KCNN3: variants seen among roughly 807,000 people sequenced by gnomAD.
KCNN3 encodes small conductance calcium-activated potassium channel protein 3.
A neutral mutation model predicts 62.9 loss-of-function variants in KCNN3; 16 were observed. The ratio of observed to expected loss-of-function variants is 0.25; its 90% CI spans 0.17 to 0.39. The LOEUF (loss-of-function observed/expected upper bound fraction) is 0.39. Ranked by LOEUF, KCNN3 falls within the 10% of genes least tolerant of loss-of-function variation. KCNN3 has a pLI of 1.00. For synonymous variants in KCNN3, 370 were observed against 389.2 expected (o/e 0.95, Z 0.58); for missense variants, 599 against 949.4 (o/e 0.63, Z 4.85).
intron 2 of KCNN3, among the ~76,000 whole-genome samples, chr1:154,788,910 C>T (rs1156314307): frequency 2.0e-5 from 3 of 152,104 alleles, no homozygotes; most frequent in Admixed American, 6.5e-5. Flanking sequence ...AGTGACATGC[C>T]CAAGGTCACA....
chr1:154,720,857 G>A (rs1700330853), intron 5 of KCNN3, among the ~76,000 whole-genome samples: 2 of 152,104 alleles, frequency 1.3e-5, no homozygotes, highest in Non-Finnish European at 2.9e-5. Context: ...TGGCGGGGCC[G>A]AGGCCCTGGA....
At position 154,702,130 on chromosome 1, in the gene KCNN3, A is replaced by C. The variant is rs961721271; in HGVS notation, c.*5846T>G. 27 of 152,198 alleles carry C rather than the reference A, an allele frequency of 1.8e-4. No individual in the cohort carries two copies. The highest frequency in any genetic ancestry group is 5.1e-4 in the African/African-American group (21 of 41,538). 9.4% of individuals were successfully genotyped at this position (152,198 alleles called of 1,614,324 possible). A position where few individuals can be genotyped will look rare whatever the true frequency, so the allele number is the denominator to read the frequency against. On this transcript the variant is annotated 3_prime_UTR_variant, in exon 8 of 8. Transcript: ENST00000271915. ...TAATGTTCTTTTGTCTCTAATACCC[A>C]GGCCTTGGAGAATTAGAATATGGCA...
chr1:154,767,559 G>C (rs1019806585), intron 3 of KCNN3, among the ~76,000 whole-genome samples: 2 of 152,214 alleles, frequency 1.3e-5, no homozygotes, highest in African/African-American at 2.4e-5. Flanking sequence ...AGGCACGCTA[G>C]GAAGGCTGGC....
intron 7 of KCNN3, among the ~76,000 whole-genome samples, chr1:154,712,561 G>A (rs1404528830): frequency 6.6e-6 from 1 of 152,008 alleles, no homozygotes; most frequent in Non-Finnish European, 1.5e-5. Context: ...CTTTTCAAAG[G>A]GTGCTTAATG....
Position 154,698,334 on chromosome 1 carries a change from T to G in KCNN3, c.*9642A>C, listed in dbSNP as rs1404270799. 2 of 152,200 alleles carry G rather than the reference T, an allele frequency of 1.3e-5. No individual in the cohort carries two copies. The highest frequency in any genetic ancestry group is 1.3e-4 in the Admixed American group (2 of 15,274). 9.4% of individuals were successfully genotyped at this position (152,200 alleles called of 1,614,324 possible). A position where few individuals can be genotyped will look rare whatever the true frequency, so the allele number is the denominator to read the frequency against. On this transcript the variant is annotated 3_prime_UTR_variant, in exon 8 of 8. Transcript: ENST00000271915. ...CTACTCACAATTCCACAAATGTGCC[T>G]GCAGCTGTGAGGACAGCTGGAGAGA... is the stretch of plus-strand genomic sequence containing the variant.
At chr1:154,860,688 G>A (rs1182176536) in intron 1 of KCNN3, among the ~76,000 whole-genome samples, 3 of 152,206 alleles carry the variant, frequency 2.0e-5, no homozygotes, top group African/African-American at 4.8e-5. Flanking sequence ...TGTTCCACAC[G>A]TGCTCTCCAG....
intron 3 of KCNN3, among the ~76,000 whole-genome samples, chr1:154,744,279 G>A (rs1700890512): frequency 6.6e-6 from 1 of 152,202 alleles, no homozygotes; most frequent in South Asian, 2.1e-4. Context: ...AAGCCAGTGG[G>A]ACAAGACCAG....
rs899153783 is a variant in KCNN3 at position 154,862,152 on chromosome 1, G to A, written c.933+6880C>T. Among the ~76,000 whole-genome samples the A allele has an allele frequency of 9.2e-5, 14 of 152,234 alleles. No homozygotes were observed. The highest frequency in any genetic ancestry group is 3.4e-4 in the African/African-American group (14 of 41,442). ...GGTGGGGTTTGGAATAGGGAAATCA[G>A]AAGTGTACTGAGACCTGAGCTCTCA... On this transcript the variant is annotated intron_variant, in intron 1 of 7. Coordinates refer to ENST00000271915, the MANE Select transcript of KCNN3 (RefSeq NM_002249.6). The surrounding 1 kb of genome is among the most constrained non-coding windows in gnomAD (Gnocchi z 4.1).
At chr1:154,815,743 C>A (rs1253362175) in intron 2 of KCNN3, among the ~76,000 whole-genome samples, 1 of 152,100 alleles carries the variant, frequency 6.6e-6, no homozygotes, top group African/African-American at 2.4e-5. Context: ...TCTCTCAGTG[C>A]CAGGACACCT....
chr1:154,708,103 G>A lies in KCNN3; in HGVS notation c.2069C>T (p.Ser690Phe). ...GACACCCCGGGCCTCGATGATGGCA[G>A]ACAGGAGCTGCTGCTGCTGCTGGCG... ...TLRQQQQQLL[S>F]AIIEARGVSV... Residue 690 changes from serine (S) to phenylalanine (F), a missense_variant, in exon 8 of 8, where the codon TCT becomes TTT. By Grantham distance (155) the Ser-to-Phe change is radical (BLOSUM62 -2). Transcript: ENST00000271915. 6.2e-7 allele frequency: 1 copy of A among 1,613,988 alleles called. No individual in the cohort carries two copies. The highest frequency in any genetic ancestry group is 8.5e-7 in the Non-Finnish European group (1 of 1,180,010).
intron 2 of KCNN3, among the ~76,000 whole-genome samples, chr1:154,774,453 G>A (rs1648707431): frequency 6.6e-6 from 1 of 152,222 alleles, no homozygotes. Flanking sequence ...GTCTTCATCT[G>A]AGACTGAAAT....
chr1:154,826,073 A>ACAAAAT (rs1491361968), intron 1 of KCNN3, among the ~76,000 whole-genome samples: 6 of 132,544 alleles, frequency 4.5e-5, no homozygotes, highest in Non-Finnish European at 9.5e-5. Context: ...AAAAACAAAA[A>ACAAAAT]CAAAAACAAA....
chr1:154,719,798 C>T (rs1437510043), intron 5 of KCNN3, among the ~76,000 whole-genome samples: 1 of 152,122 alleles, frequency 6.6e-6, no homozygotes, highest in Non-Finnish European at 1.5e-5. Flanking sequence ...TTTCATCACC[C>T]TGCTTGCACC....
intron 2 of KCNN3, among the ~76,000 whole-genome samples, chr1:154,791,247 C>A (rs67727511): frequency 0.19 from 26,302 of 135,218 alleles, 2,643 homozygotes; most frequent in Middle Eastern, 0.27. Flanking sequence ...AAAAAAAAAA[C>A]AAGTTAGGAT....
intron 3 of KCNN3, among the ~76,000 whole-genome samples, chr1:154,766,438 A>ATATATATATATATATATATATATATATG (rs1648287530): frequency 2.3e-5 from 3 of 129,182 alleles, no homozygotes; most frequent in Admixed American, 7.8e-5. Context: ...ATATATATAT[A>ATATATATATATATATATATATATATATG]TATATGTAGA....
chr1:154,718,181 G>A (rs1435500842), intron 5 of KCNN3, among the ~76,000 whole-genome samples: 1 of 152,166 alleles, frequency 6.6e-6, no homozygotes, highest in East Asian at 1.9e-4. Flanking sequence ...GGATGGTTAG[G>A]AGAGGACCCT....
At position 154,822,897 on chromosome 1, in the gene KCNN3, G is replaced by A. The variant is rs138477832; in HGVS notation, c.934-713C>T. Among the ~76,000 whole-genome samples the A allele has an allele frequency of 7.7e-3, 1,166 of 152,308 alleles. 12 individuals carry two copies. Among genetic ancestry groups the A allele is most frequent in the African/African-American group, 0.027 (1,127 of 41,552 alleles). ...AGTCCCAGGGCAGCTTAGAGAAACC[G>A]AGAAGTGTGGTTAAGGGCATGACCT... On this transcript the variant is annotated intron_variant, in intron 1 of 7. Coordinates refer to ENST00000271915, the MANE Select transcript of KCNN3 (RefSeq NM_002249.6).
At chr1:154,804,845 AG>A (rs1425223347) in intron 2 of KCNN3, among the ~76,000 whole-genome samples, 1 of 152,226 alleles carries the variant, frequency 6.6e-6, no homozygotes, top group African/African-American at 2.4e-5. Context: ...AGGAACTGGC[AG>A]GGTTCGGCTT....
At chr1:154,739,724 C>T (rs1464131047) in intron 3 of KCNN3, among the ~76,000 whole-genome samples, 2 of 152,244 alleles carry the variant, frequency 1.3e-5, no homozygotes, top group Non-Finnish European at 2.9e-5. Context: ...ATCATGGCTT[C>T]TGTCTTGGGT....
Sources: allele counts gnomAD v4.1 joint callset (sites outside exome capture counted in the v4.1 genomes callset), GRCh38; gene constraint gnomAD v4.1.1; non-coding constraint Gnocchi (gnomAD v3.1); transcripts MANE v1.5; gene names NCBI Gene and HGNC (gene_info 2026-07-23, HGNC 2026-07-21).